Variants in USP54 observed in about 807,000 individuals in gnomAD.
USP54 encodes ubiquitin carboxyl-terminal hydrolase 54.
USP54 carries 87 observed loss-of-function variants against 170.5 expected under a neutral mutation model. That is an observed-to-expected ratio of 0.51 (90% CI 0.43 to 0.61). USP54 has a LOEUF of 0.61. USP54 is among the 20% of genes least tolerant of loss of function. The pLI is 0.00. For synonymous variants in USP54, 655 were observed against 742.8 expected (o/e 0.88, Z 1.92); for missense variants, 1,786 against 2,047.8 (o/e 0.87, Z 2.47).
chr10:73,620,692 C>G (rs1399872754), intron 1 of USP54, among the ~76,000 whole-genome samples: 1 of 150,244 alleles, frequency 6.7e-6, no homozygotes, highest in Non-Finnish European at 1.5e-5. Context: ...AATCCCAGCA[C>G]TTTGGGAGGC....
Position 73,530,171 on chromosome 10 carries a change from G to C in USP54, c.1800C>G (p.Thr600=), listed in dbSNP as rs1379254096. The change falls in exon 14 of 24, where the codon ACC becomes ACG. Residue 600 remains threonine (T), a synonymous_variant. Transcript: ENST00000687698. ...AATCCTCAGAAAAGGGGCTAAGCTG[G>C]GTATAGCCACAGTGCTTCCTTTTGT... The part of the protein sequence containing the change: ...SKDKRKHCGY[T]QLSPFSEDSA... 1 of 1,613,512 alleles carries C rather than the reference G, an allele frequency of 6.2e-7. No homozygotes were observed.
At position 73,598,777 on chromosome 10, in the gene USP54, G is replaced by A. The variant is rs2078941850; in HGVS notation, c.-17-23102C>T. Among the ~76,000 whole-genome samples, 3 of 152,310 alleles carry A rather than the reference G, an allele frequency of 2.0e-5. No homozygotes were observed. The South Asian group carries it at 6.2e-4, about 32-fold the overall frequency. ...ATAAAAATAAAAATAAAAATTAGCTGGGCGTGGCAGCGTGCATCTGTAGTC... is the reference window on the plus strand; with the variant it reads ...ATAAAAATAAAAATAAAAATTAGCTAGGCGTGGCAGCGTGCATCTGTAGTC... On this transcript the variant is annotated intron_variant, in intron 1 of 22. Transcript: ENST00000339859.
chr10:73,543,164 C>A (rs749489408), intron 5 of USP54, 33 bp from the exon 6 acceptor site: 3 of 1,450,524 alleles, frequency 2.1e-6, no homozygotes, highest in Non-Finnish European at 2.9e-6. Flanking sequence ...AGTATACCAA[C>A]AATATTTAAT....
chr10:73,621,232 G>A (rs145266728), intron 1 of USP54, among the ~76,000 whole-genome samples: 1 of 149,114 alleles, frequency 6.7e-6, no homozygotes, highest in African/African-American at 2.6e-5. Context: ...TTGGAATATA[G>A]AGTGAAAAAA....
chr10:73,593,592 A>G (rs1377693807), upstream of USP54, among the ~76,000 whole-genome samples: 1 of 152,174 alleles, frequency 6.6e-6, no homozygotes, highest in African/African-American at 2.4e-5. Flanking sequence ...AACAAGTCAT[A>G]TTTTTCAAGT....
At chr10:73,577,017 A>T (rs965702158) in intron 1 of USP54, among the ~76,000 whole-genome samples, 4 of 152,246 alleles carry the variant, frequency 2.6e-5, no homozygotes, top group Non-Finnish European at 5.9e-5. Flanking sequence ...GCTCACAATC[A>T]GAGGCAATCC....
intron 4 of USP54, among the ~76,000 whole-genome samples, chr10:73,546,290 C>A (rs2067793890): frequency 6.6e-6 from 1 of 152,020 alleles, no homozygotes; most frequent in Non-Finnish European, 1.5e-5. Context: ...ACATATATAT[C>A]CCTAAATAAT....
At chr10:73,624,708 C>A (rs1374397467) in intron 1 of USP54, among the ~76,000 whole-genome samples, 4 of 152,132 alleles carry the variant, frequency 2.6e-5, no homozygotes, top group African/African-American at 7.2e-5. Flanking sequence ...TAACAGTTAA[C>A]CAGCAAAGTG....
intron 4 of USP54, among the ~76,000 whole-genome samples, chr10:73,560,587 C>T (rs2072643683): frequency 1.4e-5 from 2 of 145,754 alleles, no homozygotes; most frequent in African/African-American, 2.6e-5. Context: ...TGGCGTGAAC[C>T]CGGGAGGCAG....
At chr10:73,624,159 CATAT>C (rs58238181) in intron 1 of USP54, among the ~76,000 whole-genome samples, 5,706 of 69,730 alleles carry the variant, frequency 0.082, 371 homozygotes, top group African/African-American at 0.2. Flanking sequence ...TTTTAAAAGC[CATAT>C]ATATATATAT....
chr10:73,523,433 T>G, intron 17 of USP54, 150 bp downstream of exon 17: 1 of 913,402 alleles, frequency 1.1e-6, no homozygotes. Context: ...TGTCACATCC[T>G]ACTCTAACTT....
Position 73,525,200 on chromosome 10 carries a change from G to A in USP54, c.2194+1447C>T, listed in dbSNP as rs554717743. Among the ~76,000 whole-genome samples, 7 of 152,190 alleles carry A rather than the reference G, an allele frequency of 4.6e-5. No individual in the cohort carries two copies. The South Asian group carries it at 1.0e-3, about 23-fold the overall frequency. On this transcript the variant is annotated intron_variant, in intron 16 of 23. Transcript: ENST00000687698. ...AGAAAAAGACAGAAAGATATATACCGCAATGGTAACACTGGCTCCTTCAAT... is the reference window on the plus strand; with the variant it reads ...AGAAAAAGACAGAAAGATATATACCACAATGGTAACACTGGCTCCTTCAAT...
At chr10:73,551,342 GA>G (rs1430080023) in intron 4 of USP54, among the ~76,000 whole-genome samples, 2 of 152,260 alleles carry the variant, frequency 1.3e-5, no homozygotes, top group Non-Finnish European at 2.9e-5. Context: ...GCTTAACCTA[GA>G]AATTTATACA....
In USP54 at chr10:73,575,676, C is replaced by A; in HGVS notation, c.-17-1G>T. The A allele has an allele frequency of 6.4e-7, 1 of 1,550,590 alleles. No individual in the cohort carries two copies. Among genetic ancestry groups the A allele is most frequent in the Non-Finnish European group, 8.7e-7 (1 of 1,146,416 alleles). On this transcript the variant is annotated splice_acceptor_variant, in intron 2 of 23. Transcript: ENST00000687698. LOFTEE classifies it low-confidence loss of function (5UTR_SPLICE). ...CAAGACATTATTGTTCACATTTAGC[C>A]TGAAAAAAAAATGGAGAAGGATTTG...
intron 4 of USP54, among the ~76,000 whole-genome samples, chr10:73,569,902 C>CAAAAAAAAAAAAAAAAAAAA (rs34676499): frequency 1.1e-4 from 2 of 18,704 alleles, no homozygotes; most frequent in East Asian, 8.2e-4. Context: ...ATTTCATCTC[C>CAAAAAAAAAAAAAAAAAAAA]AAAAAAAAAA....
rs2061178302 is a variant in USP54, at chr10:73,516,998, G to C, written c.3428C>G (p.Ser1143Cys). 1 of 1,614,190 alleles carries C rather than the reference G, an allele frequency of 6.2e-7. No homozygotes were observed. Among genetic ancestry groups the C allele is most frequent in the Non-Finnish European group, 8.5e-7 (1 of 1,180,044 alleles). The change falls in exon 20 of 24, where the codon TCC (serine) becomes TGC (cysteine). Residue 1143 changes from serine to cysteine, a missense_variant. Ser to Cys is a moderately radical substitution (Grantham distance 112). Around this residue, in one of 3 missense-constraint regions of USP54, gnomAD observed 1,418 missense variants for 1,569.0 expected, o/e 0.90. Coordinates refer to ENST00000687698, the MANE Select transcript of USP54 (RefSeq NM_001391956.1). ...AEQFQRMQGV[S>C]MRDSTGFKDR... ...CTTGAAACCTGTACTATCCCTCATG[G>C]AGACACCCTGCATCCTCTGGAACTG...
At chr10:73,603,270 T>C (rs1348823055) in intron 1 of USP54, among the ~76,000 whole-genome samples, 1 of 152,214 alleles carries the variant, frequency 6.6e-6, no homozygotes. Flanking sequence ...AGATGTTTAC[T>C]GTGTTATTCT....
intron 4 of USP54, among the ~76,000 whole-genome samples, chr10:73,562,467 T>C (rs1273955561): frequency 5.9e-5 from 9 of 152,226 alleles, no homozygotes; most frequent in Admixed American, 5.9e-4. Context: ...TACAGACTTA[T>C]CACATGCATG....
At chr10:73,576,427 T>C (rs1384559834) in intron 1 of USP54, 66 bp from the exon 2 acceptor site, 2 of 151,238 alleles carry the variant, frequency 1.3e-5, no homozygotes, top group Non-Finnish European at 2.9e-5. Flanking sequence ...TTTGGACTGT[T>C]CTGCCAAGAT....
Sources: allele counts gnomAD v4.1 joint callset (sites outside exome capture counted in the v4.1 genomes callset), GRCh38; gene constraint gnomAD v4.1.1; regional missense constraint gnomAD v4.1.1; transcripts MANE v1.5; gene names NCBI Gene and HGNC (gene_info 2026-07-23, HGNC 2026-07-21).